The following TBL1Y variants were observed in gnomAD, a reference collection of about 807,000 sequenced individuals.
The protein encoded by TBL1Y is transducin beta like 1 Y-linked.
In TBL1Y, 15 loss-of-function variants were observed where a neutral mutation model predicts 12.0. That is an observed-to-expected ratio of 1.25 (90% CI 0.83 to 1.92). The LOEUF is 1.92. Ranked by LOEUF, TBL1Y falls within the 40% of genes most tolerant of loss-of-function variation. TBL1Y has a pLI of 0.00. For missense variants in TBL1Y, 148 were observed against 116.7 expected, an observed-to-expected ratio of 1.27 and a Z score of -1.24; for synonymous variants, 53 against 42.6, an observed-to-expected ratio of 1.24 and a Z score of -0.95.
chrY:6,952,119 G>C (rs1357299669), intron 2 of TBL1Y, among the ~76,000 whole-genome samples: 4 of 32,894 alleles, frequency 1.2e-4, no homozygotes, highest in Non-Finnish European at 3.0e-4. Context: ...TTTGGAATAG[G>C]TGTGGTGTGG....
intron 7 of TBL1Y, among the ~76,000 whole-genome samples, chrY:7,059,439 C>T (rs749531338): frequency 3.1e-5 from 1 of 32,754 alleles, no homozygotes. Flanking sequence ...TTTCTTGACT[C>T]GGGTGTGATG....
chrY:7,038,467 A>C, intron 6 of TBL1Y, among the ~76,000 whole-genome samples: 1 of 31,310 alleles, frequency 3.2e-5, no homozygotes, highest in African/African-American at 1.3e-4. Context: ...TTTAGGTGTC[A>C]CCTCCCCACC....
chrY:6,967,980 C>T (rs2012182376), intron 2 of TBL1Y, among the ~76,000 whole-genome samples: 1 of 33,009 alleles, frequency 3.0e-5, no homozygotes, highest in Non-Finnish European at 7.5e-5. Context: ...GTCACGGGGC[C>T]GGCAGGGATG....
intron 8 of TBL1Y, among the ~76,000 whole-genome samples, chrY:7,066,673 GT>G (rs772735253): frequency 2.0e-4 from 5 of 24,779 alleles, no homozygotes; most frequent in East Asian, 1.0e-3. Context: ...GCTAAGAACT[GT>G]TTTTTTTTTT....
chrY:6,964,406 G>C (rs2012153168), intron 2 of TBL1Y, among the ~76,000 whole-genome samples: 1 of 33,594 alleles, frequency 3.0e-5, no homozygotes, highest in African/African-American at 1.2e-4. Flanking sequence ...GCAGATCCTG[G>C]GTCCTGAATC....
rs780617679 is a variant in TBL1Y, at chrY:7,086,299, A to G, written c.1162A>G (p.Met388Val). ...CCGGTGTGTCCTTTAGATCTGGAGT[A>G]TGAAGCAGGATGCATGCGTCCACGA... The part of the protein sequence containing the change: ...SDDMTLKIWS[M>V]KQDACVHDLQ... Residue 388 changes from methionine (M) to valine (V), a missense_variant, in exon 16 of 19, where the codon ATG (methionine) becomes GTG (valine). By Grantham distance (21) the Met-to-Val change is conservative. Transcript: ENST00000383032. The G allele has an allele frequency of 5.2e-6, 2 of 383,921 alleles. No individual in the cohort carries two copies. The highest frequency in any genetic ancestry group is 6.4e-5 in the African/African-American group (1 of 15,579).
chrY:6,997,181 C>T (rs2012415934), intron 4 of TBL1Y, among the ~76,000 whole-genome samples: 1 of 33,198 alleles, frequency 3.0e-5, no homozygotes, highest in African/African-American at 1.2e-4. Flanking sequence ...TTTGGGAGGC[C>T]AGGGCAGGTG....
chrY:7,052,656 G>A, intron 7 of TBL1Y, among the ~76,000 whole-genome samples: 1 of 33,579 alleles, frequency 3.0e-5, no homozygotes, highest in Non-Finnish European at 7.3e-5. Flanking sequence ...CTATTGGCTA[G>A]CAACTTAGAA....
chrY:6,918,611 C>T, intron 2 of TBL1Y: 1 of 31,256 alleles, frequency 3.2e-5, no homozygotes, highest in African/African-American at 1.3e-4. Flanking sequence ...GAGAAGGAGT[C>T]GTCTATGTTG....
chrY:7,013,870 CT>C (rs2012533359), intron 4 of TBL1Y, among the ~76,000 whole-genome samples: 4 of 34,385 alleles, frequency 1.2e-4, no homozygotes, highest in Non-Finnish European at 2.9e-4. Context: ...GCCAATTTCT[CT>C]CTTTTAGAAC....
chrY:6,958,466 A>AG (rs747647777), intron 2 of TBL1Y, among the ~76,000 whole-genome samples: 218 of 33,537 alleles, frequency 6.5e-3, no homozygotes, highest in Non-Finnish European at 0.011. Flanking sequence ...AGACTGAGAA[A>AG]AGAAATAAGA....
At chrY:6,974,398 G>A in intron 2 of TBL1Y, among the ~76,000 whole-genome samples, 1 of 33,465 alleles carries the variant, frequency 3.0e-5, no homozygotes, top group Non-Finnish European at 7.4e-5. Flanking sequence ...GTTTTTCCTG[G>A]GATTCCCAGT....
chrY:6,948,906 A>G (rs2012005800), intron 2 of TBL1Y, among the ~76,000 whole-genome samples: 2 of 31,414 alleles, frequency 6.4e-5, no homozygotes. Flanking sequence ...TAAGTACAGA[A>G]TGTACAGAAG....
chrY:6,973,215 CAG>C (rs2012218705), intron 2 of TBL1Y, among the ~76,000 whole-genome samples: 2 of 33,114 alleles, frequency 6.0e-5, no homozygotes, highest in African/African-American at 1.2e-4. Flanking sequence ...TCCTTATTCA[CAG>C]AGACTCGGCT....
intron 7 of TBL1Y, among the ~76,000 whole-genome samples, chrY:7,045,931 T>C (rs2012756091): frequency 3.0e-5 from 1 of 33,251 alleles, no homozygotes; most frequent in Non-Finnish European, 7.4e-5. Flanking sequence ...TGGGGCCTAT[T>C]GCACAAGCTT....
chrY:6,989,928 T>C, intron 3 of TBL1Y, among the ~76,000 whole-genome samples: 1 of 33,650 alleles, frequency 3.0e-5, no homozygotes, highest in Non-Finnish European at 7.3e-5. Flanking sequence ...TTCTCCAAAA[T>C]TGAATTTAGG....
At chrY:6,958,895 G>A in intron 2 of TBL1Y, among the ~76,000 whole-genome samples, 1 of 33,780 alleles carries the variant, frequency 3.0e-5, no homozygotes, top group South Asian at 6.7e-4. Flanking sequence ...GTTCCCAGGG[G>A]CAGGCAGCAG....
chrY:6,966,910 C>T (rs2012172879), intron 2 of TBL1Y, among the ~76,000 whole-genome samples: 3 of 32,893 alleles, frequency 9.1e-5, no homozygotes, highest in African/African-American at 2.4e-4. Flanking sequence ...TAGATGAGAT[C>T]GGGGTGTTCA....
At chrY:7,047,367 C>T in intron 7 of TBL1Y, among the ~76,000 whole-genome samples, 1 of 33,946 alleles carries the variant, frequency 2.9e-5, no homozygotes, top group African/African-American at 1.2e-4. Flanking sequence ...TCCTTTATAA[C>T]ATGGCCCACC....
Sources: allele counts gnomAD v4.1 joint callset (sites outside exome capture counted in the v4.1 genomes callset), GRCh38; gene constraint gnomAD v4.1.1; transcripts MANE v1.5; gene names NCBI Gene and HGNC (gene_info 2026-07-23, HGNC 2026-07-21).